The following CFAP73 variants were observed in gnomAD, a reference collection of about 807,000 sequenced individuals.
CFAP73 encodes the protein cilia and flagella associated protein 73, also known as cilia- and flagella-associated protein 73.
Under a neutral mutation model 42.9 loss-of-function variants are expected in CFAP73, and 33 were observed. That is an observed-to-expected ratio of 0.77 (90% confidence interval 0.58 to 1.03). The LOEUF (loss-of-function observed/expected upper bound fraction) is 1.03, where lower values mean the gene tolerates loss of function less well. Among genes scored for constraint, CFAP73 ranks in the 50% least tolerant of loss-of-function variants. CFAP73 has a pLI of 0.00. For missense variants in CFAP73, 392 were observed against 411.9 expected (o/e 0.95, Z 0.42); for synonymous variants, 162 against 186.8 (o/e 0.87, Z 1.08).
In CFAP73 at chr12:113,158,967, G is replaced by A. The variant is rs776702666; in HGVS notation, c.*278G>A. On this transcript the variant is annotated 3_prime_UTR_variant, in exon 8 of 8. Transcript: ENST00000335621. This position sits in a 1 kb window ranked among gnomAD's most constrained non-coding sequence, Gnocchi z 4.9. ...GCTCCTGGACGCGGCGGCGGTTGCG[G>A]GCAGAGAGCTGCTTGAGGCCACCAC... 20 of 1,611,260 alleles carry A rather than the reference G, an allele frequency of 1.2e-5. No homozygotes were observed. In the Admixed American group the frequency reaches 3.2e-4, roughly 26 times the overall value.
In CFAP73 at chr12:113,153,838, C is replaced by A. The variant is rs544744515; in HGVS notation, c.468+430C>A. ...CTGGTTTCGAACTCCTGGGCTCAAG[C>A]GATCCTGCCACCTCCGCTCCCAAAG... On this transcript the variant is annotated intron_variant, in intron 4 of 7. Transcript: ENST00000335621. 2.6e-5 allele frequency among the ~76,000 whole-genome samples: 4 copies of A among 152,072 alleles called. No individual in the cohort carries two copies. In the South Asian group the frequency reaches 8.3e-4, roughly 32 times the overall value.
chr12:113,156,797 AAG>A (rs1009230373), intron 6 of CFAP73: 2 of 152,198 alleles, frequency 1.3e-5, no homozygotes, highest in African/African-American at 4.8e-5. Context: ...GGAAATTAAG[AAG>A]AAACAAAATC....
In CFAP73 at chr12:113,156,442, C is replaced by T. The variant is rs563395480; in HGVS notation, c.849+1024C>T. Among the ~76,000 whole-genome samples, 3 of 151,640 alleles carry T rather than the reference C, an allele frequency of 2.0e-5. No individual in the cohort carries two copies. In the East Asian group the frequency reaches 6.0e-4, roughly 30 times the overall value. ...ACACGAGTCTGCCAATGCTCCCAGC[C>T]GAATAAAAAACTCTTCCTTCTTTAA... On this transcript the variant is annotated intron_variant, in intron 6 of 7. Transcript: ENST00000335621.
chr12:113,158,604 C>A lies in CFAP73; in HGVS notation c.*12-97C>A. The A allele has an allele frequency of 6.8e-6, 3 of 441,958 alleles. No homozygotes were observed. The allele number at this position is 441,958 out of a possible 1,614,324, so 27.4% of individuals were successfully genotyped here. A position where few individuals can be genotyped will look rare whatever the true frequency, so the allele number is the denominator to read the frequency against. ...CTGAACCCAGAACACATGGAAGCAG[C>A]AGCAGCTGAGTTGCCAACTCAAGTC... On this transcript the variant is annotated intron_variant, in intron 7 of 7. Transcript: ENST00000335621. The surrounding 1 kb of genome is among the most constrained non-coding windows in gnomAD (Gnocchi z 4.9).
chr12:113,152,002 G>C lies in CFAP73; in HGVS notation c.141G>C (p.Gln47His). The part of the protein sequence containing the change: ...EKRQELVDAD[Q>H]ALQAQKEVFR... ...GGCAAGAGCTGGTAGATGCAGACCA[G>C]GCCCTGCAGGCCCAGAAGGAGGTGA... Residue 47 changes from glutamine (Q) to histidine (H), a missense_variant, in exon 2 of 8, where the codon CAG becomes CAC. Coordinates refer to ENST00000335621, the MANE Select transcript of CFAP73 (RefSeq NM_001144872.3). 6.4e-7 allele frequency: 1 copy of C among 1,551,410 alleles called. No individual in the cohort carries two copies.
intron 4 of CFAP73, 123 bp downstream of exon 4, chr12:113,153,531 G>A: frequency 9.0e-6 from 7 of 780,668 alleles, no homozygotes; most frequent in Non-Finnish European, 1.1e-5. Context: ...CATGCATGCC[G>A]AGAACTATCA....
Position 113,152,776 on chromosome 12 carries a change from C to T in CFAP73, c.163-7C>T. ...ACCCACACAGACAACCCACTCCTCA[C>T]CCCCAGGTGTTCCGCACCAAGACGG... On this transcript the variant is annotated splice_polypyrimidine_tract_variant and splice_region_variant and intron_variant, in intron 2 of 7. Transcript: ENST00000335621. The T allele has an allele frequency of 6.5e-7, 1 of 1,549,406 alleles. No individual in the cohort carries two copies. Among genetic ancestry groups the T allele is most frequent in the Non-Finnish European group, 8.7e-7 (1 of 1,144,994 alleles).
chr12:113,153,460 TGGCTC>T lies in CFAP73; in HGVS notation c.468+53_468+57del, dbSNP rs1383052999. 3.9e-4 allele frequency: 519 copies of T among 1,345,028 alleles called. 5 individuals are homozygous for T. The highest frequency in any genetic ancestry group is 9.6e-5 in the Non-Finnish European group (100 of 1,043,458). The allele number at this position is 1,345,028 out of a possible 1,614,324, so 83.3% of individuals were successfully genotyped here. On this transcript the variant is annotated intron_variant, in intron 4 of 7. Coordinates refer to ENST00000335621, the MANE Select transcript of CFAP73 (RefSeq NM_001144872.3). ...CTCGGCGCCACCGCGTGGCGCTGAG[TGGCTC>T]AGGGACGGCTTCGGACCGGCGAACT...
In CFAP73 at chr12:113,152,871, T is replaced by C. The variant is rs1952077487; in HGVS notation, c.251T>C (p.Phe84Ser). ...ERELKGSFIR[F>S]DKFLQDSEAR... The stretch of plus-strand genomic sequence containing the variant: ...GAGCTAAAGGGATCGTTCATCCGCT[T>C]TGACAAGTTTTTGCAGGTAGGTGGA... Residue 84 changes from phenylalanine to serine, a missense_variant, in exon 3 of 8, where the codon TTT becomes TCT. Coordinates refer to ENST00000335621, the MANE Select transcript of CFAP73 (RefSeq NM_001144872.3). 1 of 1,551,452 alleles carries C rather than the reference T, an allele frequency of 6.4e-7. No individual in the cohort carries two copies. The highest frequency in any genetic ancestry group is 8.7e-7 in the Non-Finnish European group (1 of 1,146,828).
At chr12:113,155,200 G>T in intron 5 of CFAP73, 60 bp from the exon 6 acceptor site, 1 of 1,394,748 alleles carries the variant, frequency 7.2e-7, no homozygotes, top group Non-Finnish European at 9.6e-7. Context: ...TGGCTGGGAA[G>T]AGGGGGCAGC....
chr12:113,158,630 T>C lies in CFAP73; in HGVS notation c.*12-71T>C. On this transcript the variant is annotated intron_variant, in intron 7 of 7. Coordinates refer to ENST00000335621, the MANE Select transcript of CFAP73 (RefSeq NM_001144872.3). This position sits in a 1 kb window ranked among gnomAD's most constrained non-coding sequence, Gnocchi z 4.9. ...AGCAGCTGAGTTGCCAACTCAAGTC[T>C]TGGCCTGCCTGGCTTTGCTGGCGAA... 2.1e-6 allele frequency: 1 copy of C among 481,332 alleles called. No homozygotes were observed. The highest frequency in any genetic ancestry group is 3.6e-6 in the Non-Finnish European group (1 of 277,844). 29.8% of individuals were successfully genotyped at this position (481,332 alleles called of 1,614,324 possible). A position where few individuals can be genotyped will look rare whatever the true frequency, so the allele number is the denominator to read the frequency against.
At position 113,157,680 on chromosome 12, in the gene CFAP73, C is replaced by T. The variant is rs1259677286; in HGVS notation, c.*1C>T. The T allele has an allele frequency of 1.3e-6, 2 of 1,551,310 alleles. No homozygotes were observed. The highest frequency in any genetic ancestry group is 3.9e-5 in the Admixed American group (2 of 51,006). On this transcript the variant is annotated 3_prime_UTR_variant, in exon 7 of 8. Transcript: ENST00000335621. The stretch of plus-strand genomic sequence containing the variant: ...TGAGCCTGCAGCCCCTGCCTCCTAG[C>T]CCTGACACAGGTGAGCAGCGGGAGA...
rs902924486 is a variant in CFAP73 at position 113,153,341 on chromosome 12, A to G, written c.401A>G (p.Gln134Arg). 10 of 1,512,212 alleles carry G rather than the reference A, an allele frequency of 6.6e-6. No homozygotes were observed. Among genetic ancestry groups the G allele is most frequent in the Admixed American group, 6.2e-5 (3 of 48,580 alleles). 93.7% of individuals were successfully genotyped at this position (1,512,212 alleles called of 1,614,324 possible). The change falls in exon 4 of 8, where the codon CAG becomes CGG. Residue 134 changes from glutamine (Q) to arginine (R), a missense_variant. Transcript: ENST00000335621. The part of the protein sequence containing the change: ...QELRREHARL[Q>R]RRLKRLEPCA... ...CTACGGCGGGAACACGCGCGGCTGCAGCGCCGGCTTAAGCGCCTGGAGCCC... is the reference window on the plus strand; with the variant it reads ...CTACGGCGGGAACACGCGCGGCTGCGGCGCCGGCTTAAGCGCCTGGAGCCC...
chr12:113,157,892 G>A, intron 7 of CFAP73: 2 of 591,784 alleles, frequency 3.4e-6, no homozygotes, highest in Non-Finnish European at 6.1e-6. Context: ...ATGAGGAGGT[G>A]ATGGGAAGGT....
At chr12:113,151,490 A>G (rs1952060527) in intron 1 of CFAP73, among the ~76,000 whole-genome samples, 1 of 151,978 alleles carries the variant, frequency 6.6e-6, no homozygotes, top group Non-Finnish European at 1.5e-5. Flanking sequence ...CTCAAAAACT[A>G]TATAATAATA....
Position 113,154,583 on chromosome 12 carries a change from G to C in CFAP73, c.638G>C (p.Arg213Pro). Residue 213 changes from arginine (R) to proline (P), a missense_variant, in exon 5 of 8, where the codon CGG (arginine) becomes CCG (proline). By Grantham distance (103) the Arg-to-Pro change is moderately radical. Coordinates refer to ENST00000335621, the MANE Select transcript of CFAP73 (RefSeq NM_001144872.3). The surrounding 1 kb of genome is among the most constrained non-coding windows in gnomAD (Gnocchi z 4.7). ...PDEVLAQGQR[R>P]AQLQERLEAA... ...GAGGTGCTCGCACAGGGCCAGCGGC[G>C]GGCACAGCTGCAGGAGCGCCTGGAG... The C allele has an allele frequency of 1.4e-6, 2 of 1,428,256 alleles. No homozygotes were observed. The highest frequency in any genetic ancestry group is 9.1e-7 in the Non-Finnish European group (1 of 1,102,768). The allele number at this position is 1,428,256 out of a possible 1,614,324, so 88.5% of individuals were successfully genotyped here. A position where few individuals can be genotyped will look rare whatever the true frequency, so the allele number is the denominator to read the frequency against.
chr12:113,157,965 G>T, intron 7 of CFAP73: 1 of 469,380 alleles, frequency 2.1e-6, no homozygotes, highest in Non-Finnish European at 3.9e-6. Flanking sequence ...TCCCTGCCAG[G>T]GTGGTTGGGG....
chr12:113,153,802 T>C (rs984939601), intron 4 of CFAP73, among the ~76,000 whole-genome samples: 2 of 151,942 alleles, frequency 1.3e-5, no homozygotes, highest in East Asian at 3.9e-4. Context: ...GGTTTCTCTA[T>C]GTTGCCCAGG....
intron 1 of CFAP73, 121 bp downstream of exon 1, chr12:113,150,034 C>T: frequency 2.2e-6 from 2 of 894,732 alleles, no homozygotes; most frequent in Non-Finnish European, 3.5e-6. Flanking sequence ...GGGTTATTGT[C>T]CCCACTTCAC....
Sources: allele counts gnomAD v4.1 joint callset (sites outside exome capture counted in the v4.1 genomes callset), GRCh38; gene constraint gnomAD v4.1.1; non-coding constraint Gnocchi (gnomAD v3.1); transcripts MANE v1.5; gene names NCBI Gene and HGNC (gene_info 2026-07-23, HGNC 2026-07-21).